Variants in MBP observed in about 807,000 individuals in gnomAD.
The protein encoded by MBP is myelin basic protein.
Under a neutral mutation model 35.8 loss-of-function variants are expected in MBP, and 16 were observed. The ratio of observed to expected loss-of-function variants is 0.45; its 90% CI spans 0.30 to 0.68. MBP has a LOEUF of 0.68. MBP is among the 30% of genes least tolerant of loss of function. The pLI is 0.08. For missense variants in MBP, 380 were observed against 404.7 expected, an observed-to-expected ratio of 0.94 and a Z score of 0.52; for synonymous variants, 143 against 159.6, an observed-to-expected ratio of 0.90 and a Z score of 0.78.
At chr18:77,016,770 C>A in intron 4 of MBP, 62 bp downstream of exon 4, 2 of 1,584,256 alleles carry the variant, frequency 1.3e-6, no homozygotes, top group Middle Eastern at 1.7e-4. Context: ...CTGAGTTCAC[C>A]TACTGATTTC....
At chr18:77,089,897 T>C (rs1355944046) in intron 2 of MBP, among the ~76,000 whole-genome samples, 2 of 152,034 alleles carry the variant, frequency 1.3e-5, no homozygotes, top group Non-Finnish European at 2.9e-5. Context: ...GGCTCAGGGG[T>C]GTCCCCACAT....
At chr18:77,041,016 T>A (rs1293108140) in intron 3 of MBP, among the ~76,000 whole-genome samples, 1 of 151,614 alleles carries the variant, frequency 6.6e-6, no homozygotes, top group African/African-American at 2.4e-5. Flanking sequence ...GGGAGAAGAT[T>A]TTTGCAATCT....
At chr18:77,070,719 G>A (rs1010198525) in intron 2 of MBP, among the ~76,000 whole-genome samples, 5 of 152,288 alleles carry the variant, frequency 3.3e-5, no homozygotes, top group Admixed American at 6.5e-5. Context: ...GCAGGTGACA[G>A]GAGGGGCCCT....
intron 3 of MBP, among the ~76,000 whole-genome samples, chr18:77,057,988 G>A (rs1470030368): frequency 1.5e-5 from 1 of 66,692 alleles, no homozygotes; most frequent in Non-Finnish European, 2.6e-5. Context: ...CACTACGCCC[G>A]GCTAATTTTT....
At chr18:76,991,594 A>G (rs1969922546) in intron 4 of MBP, among the ~76,000 whole-genome samples, 1 of 152,120 alleles carries the variant, frequency 6.6e-6, no homozygotes, top group Admixed American at 6.5e-5. Flanking sequence ...GGAGCTTGCG[A>G]GATTGATTTT....
intron 2 of MBP, among the ~76,000 whole-genome samples, chr18:77,090,578 C>A (rs1217386433): frequency 6.6e-6 from 1 of 152,192 alleles, no homozygotes; most frequent in Non-Finnish European, 1.5e-5. Flanking sequence ...CAATGCCAGT[C>A]CTCAGTCTCC....
At chr18:77,112,245 G>C (rs1384030818) in intron 1 of MBP, among the ~76,000 whole-genome samples, 3 of 152,258 alleles carry the variant, frequency 2.0e-5, no homozygotes, top group Middle Eastern at 3.4e-3. Flanking sequence ...CAAGGCGTGG[G>C]AAGAAGACGC....
chr18:77,132,058 G>A (rs1977295692), intron 1 of MBP, among the ~76,000 whole-genome samples: 1 of 152,110 alleles, frequency 6.6e-6, no homozygotes, highest in Admixed American at 6.5e-5. Context: ...GGCGCCGCGA[G>A]CCGGGAGGAC....
chr18:77,062,521 A>C (rs949502813), intron 3 of MBP, among the ~76,000 whole-genome samples: 2 of 152,152 alleles, frequency 1.3e-5, no homozygotes, highest in African/African-American at 2.4e-5. Context: ...GAAAAAAAAA[A>C]AACAAATCAC....
chr18:77,085,332 CA>C (rs1414007860), intron 2 of MBP, among the ~76,000 whole-genome samples: 2 of 152,170 alleles, frequency 1.3e-5, no homozygotes, highest in Non-Finnish European at 2.9e-5. Flanking sequence ...GATCTTTGCT[CA>C]AAAGACAGTA....
chr18:77,101,342 C>T lies in MBP; in HGVS notation c.51+3869G>A, dbSNP rs1975998509. ...AAGCTGGTAAATTAGTGAGGCAGGA[C>T]CATTTGGAAACCAAATTTCCCTGCA... On this transcript the variant is annotated intron_variant, in intron 2 of 8. Coordinates refer to ENST00000355994, the MANE Select transcript of MBP (RefSeq NM_001025101.2). This position sits in a 1 kb window ranked among gnomAD's most constrained non-coding sequence, Gnocchi z 4.3. Among the ~76,000 whole-genome samples, 1 of 152,198 alleles carries T rather than the reference C, an allele frequency of 6.6e-6. No individual in the cohort carries two copies. The highest frequency in any genetic ancestry group is 1.5e-5 in the Non-Finnish European group (1 of 68,028).
chr18:77,106,212 G>A (rs1270454302), intron 1 of MBP, among the ~76,000 whole-genome samples: 1 of 152,280 alleles, frequency 6.6e-6, no homozygotes, highest in East Asian at 1.9e-4. Flanking sequence ...TTCTGAACAC[G>A]GGGAGAGAGG....
At chr18:77,064,495 G>T (rs138371227) in intron 3 of MBP, among the ~76,000 whole-genome samples, 4 of 152,270 alleles carry the variant, frequency 2.6e-5, no homozygotes, top group African/African-American at 9.6e-5. Flanking sequence ...TAGTAAAGGA[G>T]TCCTCATTGC....
At chr18:77,054,011 T>C (rs1225179663) in intron 3 of MBP, among the ~76,000 whole-genome samples, 1 of 152,262 alleles carries the variant, frequency 6.6e-6, no homozygotes, top group Non-Finnish European at 1.5e-5. Context: ...GGCCACATGA[T>C]GCTTCTGGCC....
At chr18:77,080,686 ATTAT>A (rs1422234457) in intron 2 of MBP, among the ~76,000 whole-genome samples, 5 of 151,466 alleles carry the variant, frequency 3.3e-5, no homozygotes, top group Non-Finnish European at 3.0e-5. Context: ...TATTTTATTT[ATTAT>A]TTATTTTTTT....
chr18:77,105,479 A>G (rs1976239817), intron 1 of MBP, among the ~76,000 whole-genome samples, 193 bp from the exon 2 acceptor site: 1 of 152,212 alleles, frequency 6.6e-6, no homozygotes. Context: ...ATCCCATGCA[A>G]AGAGCTAGAA....
At chr18:77,051,779 C>T (rs757364575) in intron 3 of MBP, among the ~76,000 whole-genome samples, 8 of 152,146 alleles carry the variant, frequency 5.3e-5, no homozygotes, top group African/African-American at 1.2e-4. Context: ...CAGTTTGATG[C>T]GTGAAGACCA....
intron 3 of MBP, among the ~76,000 whole-genome samples, chr18:77,030,448 G>T (rs1365621077): frequency 6.6e-6 from 1 of 152,200 alleles, no homozygotes; most frequent in Non-Finnish European, 1.5e-5. Context: ...TGTCTTAAAT[G>T]CACAATGGCA....
chr18:77,038,295 T>G (rs897201514), intron 3 of MBP, among the ~76,000 whole-genome samples: 8 of 152,262 alleles, frequency 5.3e-5, no homozygotes, highest in Admixed American at 5.2e-4. Flanking sequence ...ATAATTCAGA[T>G]GCATAACAAG....
Sources: allele counts gnomAD v4.1 joint callset (sites outside exome capture counted in the v4.1 genomes callset), GRCh38; gene constraint gnomAD v4.1.1; non-coding constraint Gnocchi (gnomAD v3.1); transcripts MANE v1.5; gene names NCBI Gene and HGNC (gene_info 2026-07-23, HGNC 2026-07-21).